Variants in NRXN3 observed in about 807,000 individuals in gnomAD.
The protein encoded by NRXN3 is neurexin 3, also known as neurexin III.
A neutral mutation model predicts 137.6 loss-of-function variants in NRXN3; 32 were observed. That is an observed-to-expected ratio of 0.23 (90% CI 0.18 to 0.31). The LOEUF is 0.31. NRXN3 is among the 10% of genes least tolerant of loss of function. The pLI is 1.00. For missense variants in NRXN3, 1,574 were observed against 2,062.5 expected, an observed-to-expected ratio of 0.76 and a Z score of 4.59; for synonymous variants, 798 against 784.5, an observed-to-expected ratio of 1.02 and a Z score of -0.29.
At chr14:79,094,699 GT>G (rs1269072291) in intron 15 of NRXN3, among the ~76,000 whole-genome samples, 1 of 152,040 alleles carries the variant, frequency 6.6e-6, no homozygotes, top group Admixed American at 6.6e-5. Context: ...TTGTTTGTTT[GT>G]TTGTTTTGTT....
intron 1 of NRXN3, among the ~76,000 whole-genome samples, chr14:78,206,875 G>GT (rs990249158): frequency 2.0e-5 from 3 of 151,022 alleles, no homozygotes; most frequent in African/African-American, 7.3e-5. Context: ...TTTTTTGTTT[G>GT]TTTTTTGAGA....
chr14:78,374,114 G>A (rs1347162054), intron 4 of NRXN3, among the ~76,000 whole-genome samples: 1 of 152,170 alleles, frequency 6.6e-6, no homozygotes, highest in Non-Finnish European at 1.5e-5. Flanking sequence ...CGTGTTTAGT[G>A]ACAGTGGGCA....
At chr14:79,541,361 G>A (rs188207472) in intron 16 of NRXN3, among the ~76,000 whole-genome samples, 18 of 152,100 alleles carry the variant, frequency 1.2e-4, no homozygotes, top group South Asian at 4.2e-4. Context: ...CCAAGATTGT[G>A]CCATTGCACT....
intron 16 of NRXN3, among the ~76,000 whole-genome samples, chr14:79,600,723 GGGGTACT>G (rs2097913033): frequency 6.6e-6 from 1 of 152,108 alleles, no homozygotes; most frequent in Non-Finnish European, 1.5e-5. Flanking sequence ...CGAAATACCA[GGGGTACT>G]AGCACCCAGG....
At chr14:79,847,710 T>G (rs2099382778) in intron 20 of NRXN3, among the ~76,000 whole-genome samples, 1 of 152,154 alleles carries the variant, frequency 6.6e-6, no homozygotes, top group African/African-American at 2.4e-5. Context: ...AAAGGGAGAA[T>G]TCTCCTTAAA....
At chr14:78,417,120 G>A (rs1031042837) in intron 4 of NRXN3, among the ~76,000 whole-genome samples, 3 of 152,174 alleles carry the variant, frequency 2.0e-5, no homozygotes, top group Admixed American at 1.3e-4. Context: ...GCTGGCCCCC[G>A]GCTTAAAGCC....
intron 15 of NRXN3, among the ~76,000 whole-genome samples, chr14:79,125,812 C>CG (rs1403950152): frequency 6.6e-6 from 1 of 152,038 alleles, no homozygotes; most frequent in Non-Finnish European, 1.5e-5. Context: ...TTTCATCTCT[C>CG]GCTGATGATT....
At chr14:79,049,098 T>TAATTAATAATAAAAC (rs1272827423) in intron 15 of NRXN3, among the ~76,000 whole-genome samples, 1 of 102,310 alleles carries the variant, frequency 9.8e-6, no homozygotes, top group African/African-American at 4.1e-5. Context: ...AATAATAATA[T>TAATTAATAATAAAAC]GATGGGGTGT....
intron 1 of NRXN3, among the ~76,000 whole-genome samples, chr14:78,184,987 T>C (rs1351577312): frequency 6.6e-6 from 1 of 152,180 alleles, no homozygotes. Flanking sequence ...TATAGAGGAC[T>C]GAGGAGTGAG....
At position 79,467,914 on chromosome 14, in the gene NRXN3, T is replaced by A. The variant is rs919713745; in HGVS notation, c.3444+512T>A. On this transcript the variant is annotated intron_variant, in intron 16 of 20. Transcript: ENST00000335750. ...AGACAATACATTTTTTTGAAATGCA[T>A]GAGACTGTATTCCAATAAAAATGCA... is the stretch of plus-strand genomic sequence containing the variant. Among the ~76,000 whole-genome samples, 5 of 152,208 alleles carry A rather than the reference T, an allele frequency of 3.3e-5. No individual in the cohort carries two copies. The East Asian group carries it at 7.7e-4, about 23-fold the overall frequency.
intron 15 of NRXN3, among the ~76,000 whole-genome samples, chr14:79,229,748 G>C (rs1008476720): frequency 6.6e-6 from 1 of 152,078 alleles, no homozygotes; most frequent in African/African-American, 2.4e-5. Flanking sequence ...TGTCCGTCTT[G>C]TCCTCGTGCG....
chr14:78,965,193 CG>C (rs2099415111), intron 11 of NRXN3, among the ~76,000 whole-genome samples: 1 of 152,094 alleles, frequency 6.6e-6, no homozygotes, highest in Non-Finnish European at 1.5e-5. Flanking sequence ...TGAGTGTGGC[CG>C]GGATGGCTTG....
At chr14:78,226,382 C>T (rs1277109023) in intron 1 of NRXN3, among the ~76,000 whole-genome samples, 5 of 152,090 alleles carry the variant, frequency 3.3e-5, no homozygotes, top group Admixed American at 6.5e-5. Flanking sequence ...AGGTTGTGAC[C>T]GCTTAACTCC....
chr14:78,730,767 A>G (rs1205202617), intron 8 of NRXN3, among the ~76,000 whole-genome samples: 1 of 152,224 alleles, frequency 6.6e-6, no homozygotes, highest in South Asian at 2.1e-4. Context: ...CCAGGTGGCT[A>G]AAATATGGCT....
At chr14:78,372,481 T>A (rs918072377) in intron 4 of NRXN3, among the ~76,000 whole-genome samples, 2 of 152,090 alleles carry the variant, frequency 1.3e-5, no homozygotes, top group East Asian at 1.9e-4. Context: ...CCCACCACCA[T>A]GCCTGGCTAA....
At chr14:78,198,316 A>T (rs567412856) in intron 1 of NRXN3, among the ~76,000 whole-genome samples, 1 of 152,186 alleles carries the variant, frequency 6.6e-6, no homozygotes, top group Admixed American at 6.5e-5. Context: ...GCCATGGCTT[A>T]TTATGGCAGA....
At chr14:78,352,540 TG>T (rs2083683243) in intron 4 of NRXN3, among the ~76,000 whole-genome samples, 1 of 152,168 alleles carries the variant, frequency 6.6e-6, no homozygotes, top group Non-Finnish European at 1.5e-5. Flanking sequence ...CCTGGTCTCC[TG>T]GCTGGGCTGT....
intron 19 of NRXN3, among the ~76,000 whole-genome samples, chr14:79,736,303 C>G (rs1171155418): frequency 6.6e-6 from 1 of 152,134 alleles, no homozygotes; most frequent in Non-Finnish European, 1.5e-5. Context: ...CCAGACCAAC[C>G]TAGATGAGTT....
intron 6 of NRXN3, among the ~76,000 whole-genome samples, chr14:78,692,516 A>G (rs2098181395): frequency 6.6e-6 from 1 of 152,236 alleles, no homozygotes; most frequent in Non-Finnish European, 1.5e-5. Flanking sequence ...ATGAAAAATC[A>G]TAACAGCAAG....
Sources: gnomAD v4.1 joint callset for allele counts (sites outside exome capture counted in the v4.1 genomes callset) on GRCh38, gnomAD v4.1.1 for gene constraint, MANE v1.5 for transcripts, NCBI Gene and HGNC (gene_info 2026-07-23, HGNC 2026-07-21) for gene names.